The following C8orf34 variants were observed in gnomAD, a reference collection of about 807,000 sequenced individuals.
C8orf34 encodes the protein chromosome 8 open reading frame 34.
Under a neutral mutation model 68.3 loss-of-function variants are expected in C8orf34, and 65 were observed. The observed-to-expected ratio is 0.95, with a 90% CI of 0.78 to 1.17. The LOEUF (loss-of-function observed/expected upper bound fraction) is 1.17. Among genes scored for constraint, C8orf34 ranks in the 50% most tolerant of loss-of-function variants. The pLI, the probability that C8orf34 is intolerant of heterozygous loss-of-function variation, is 0.00. For missense variants in C8orf34, 664 were observed against 655.4 expected (o/e 1.01, Z -0.14); for synonymous variants, 244 against 241.2 (o/e 1.01, Z -0.11).
intron 7 of C8orf34, among the ~76,000 whole-genome samples, chr8:68,559,339 A>G (rs566406200): frequency 6.6e-6 from 1 of 152,302 alleles, no homozygotes; most frequent in East Asian, 1.9e-4. Flanking sequence ...CAGCTTTGGG[A>G]TAAGAAACGA....
At position 68,636,349 on chromosome 8, in the gene C8orf34, G is replaced by C. The variant is rs560648340; in HGVS notation, c.1106-4027G>C. On this transcript the variant is annotated intron_variant, in intron 7 of 13. Coordinates refer to ENST00000518698, the MANE Select transcript of C8orf34 (RefSeq NM_052958.4). ...CCAGAACTTTGTGAGGGCAAGGTGG[G>C]CAGATCACAAGGTCAGGAGATCGAG... Among the ~76,000 whole-genome samples the C allele has an allele frequency of 3.4e-4, 52 of 152,046 alleles. 1 individual carries two copies. The highest frequency in any genetic ancestry group is 1.3e-3 in the African/African-American group (52 of 41,456).
intron 11 of C8orf34, among the ~76,000 whole-genome samples, chr8:68,785,571 G>T (rs144115076): frequency 6.6e-6 from 1 of 152,162 alleles, no homozygotes; most frequent in East Asian, 1.9e-4. Context: ...AGTTAGTTAG[G>T]TTAGCACCTT....
chr8:68,539,253 A>G (rs1815610616), intron 7 of C8orf34, among the ~76,000 whole-genome samples: 1 of 152,064 alleles, frequency 6.6e-6, no homozygotes. Context: ...GTTTAGCCAT[A>G]GTAGTAATTT....
intron 7 of C8orf34, chr8:68,533,730 TGTA>T: frequency 1.1e-6 from 1 of 942,876 alleles, no homozygotes; most frequent in Non-Finnish European, 1.3e-6. Flanking sequence ...TATTTTTTAA[TGTA>T]GTATATGTAT....
At chr8:68,813,424 T>G (rs1824716038) in intron 12 of C8orf34, among the ~76,000 whole-genome samples, 2 of 152,238 alleles carry the variant, frequency 1.3e-5, no homozygotes, top group African/African-American at 4.8e-5. Flanking sequence ...CCCCACACTC[T>G]AATCAAAATA....
chr8:68,368,475 T>C (rs1391151585), intron 1 of C8orf34, among the ~76,000 whole-genome samples: 1 of 152,150 alleles, frequency 6.6e-6, no homozygotes, highest in Non-Finnish European at 1.5e-5. Context: ...TTTATTTATT[T>C]ATGTTCCAGT....
chr8:68,675,133 C>A (rs1164903820), intron 8 of C8orf34, among the ~76,000 whole-genome samples: 3 of 152,084 alleles, frequency 2.0e-5, no homozygotes, highest in African/African-American at 7.2e-5. Context: ...AACACCAGAC[C>A]TGTTCCACAA....
At position 68,600,918 on chromosome 8, in the gene C8orf34, C is replaced by T. The variant is rs146530928; in HGVS notation, c.1106-39458C>T. Among the ~76,000 whole-genome samples the T allele has an allele frequency of 3.6e-3, 554 of 152,288 alleles. 6 individuals are homozygous for T. Among genetic ancestry groups the T allele is most frequent in the African/African-American group, 0.013 (547 of 41,566 alleles). On this transcript the variant is annotated intron_variant, in intron 7 of 13. Transcript: ENST00000518698. ...ACCAACCTGTGAATTCTCCTCCTCG[C>T]ACACACACTTCCCAGCCTCTGGGTA...
chr8:68,702,388 G>A (rs1211714097), intron 8 of C8orf34, among the ~76,000 whole-genome samples: 1 of 152,096 alleles, frequency 6.6e-6, no homozygotes, highest in Non-Finnish European at 1.5e-5. Context: ...CCTTCTACAT[G>A]AAGTTTAGTT....
At chr8:68,593,606 A>C (rs1285467155) in intron 7 of C8orf34, among the ~76,000 whole-genome samples, 1 of 151,962 alleles carries the variant, frequency 6.6e-6, no homozygotes, top group Non-Finnish European at 1.5e-5. Flanking sequence ...TTGCTAATAA[A>C]TCCTCTGGTA....
At chr8:68,474,927 C>T (rs1242519062) in intron 4 of C8orf34, among the ~76,000 whole-genome samples, 1 of 152,206 alleles carries the variant, frequency 6.6e-6, no homozygotes, top group African/African-American at 2.4e-5. Context: ...TTCTGCCAAT[C>T]AGCCTTCACT....
At chr8:68,466,772 T>C (rs1812166730) in intron 3 of C8orf34, among the ~76,000 whole-genome samples, 1 of 145,134 alleles carries the variant, frequency 6.9e-6, no homozygotes, top group African/African-American at 2.6e-5. Context: ...TATAGATGCT[T>C]TCATTTCTTT....
At chr8:68,548,828 T>C (rs1815972574) in intron 7 of C8orf34, among the ~76,000 whole-genome samples, 1 of 151,806 alleles carries the variant, frequency 6.6e-6, no homozygotes, top group Admixed American at 6.6e-5. Context: ...AATAGAATAC[T>C]GTTTAACAAT....
At chr8:68,435,712 T>C (rs540395866) in intron 1 of C8orf34, among the ~76,000 whole-genome samples, 5 of 152,334 alleles carry the variant, frequency 3.3e-5, no homozygotes, top group South Asian at 4.1e-4. Context: ...TCAGATCATA[T>C]GGAGATTCTG....
chr8:68,430,904 G>C (rs966549918), intron 1 of C8orf34, among the ~76,000 whole-genome samples: 1 of 152,066 alleles, frequency 6.6e-6, no homozygotes, highest in Non-Finnish European at 1.5e-5. Context: ...AACAAAATAG[G>C]AAGACACATT....
intron 1 of C8orf34, among the ~76,000 whole-genome samples, chr8:68,332,450 T>G (rs1347467719): frequency 7.9e-6 from 1 of 126,584 alleles, no homozygotes; most frequent in Non-Finnish European, 1.7e-5. Flanking sequence ...GGGTGAGGGC[T>G]TGGTATGGGG....
intron 10 of C8orf34, among the ~76,000 whole-genome samples, chr8:68,755,184 G>C (rs529309091): frequency 2.0e-5 from 3 of 152,098 alleles, no homozygotes; most frequent in African/African-American, 7.2e-5. Context: ...GAAGACAACA[G>C]GGCCACTGCA....
At chr8:68,779,209 ACACACAC>A in intron 11 of C8orf34, among the ~76,000 whole-genome samples, 2 of 151,392 alleles carry the variant, frequency 1.3e-5, no homozygotes, top group African/African-American at 4.9e-5. Flanking sequence ...ACACACACAC[ACACACAC>A]ACACACACAC....
chr8:68,539,589 C>T (rs541722060), intron 7 of C8orf34, among the ~76,000 whole-genome samples: 36 of 152,214 alleles, frequency 2.4e-4, no homozygotes, highest in African/African-American at 7.9e-4. Context: ...CGGTGGCTCA[C>T]GCCTGTAATC....
Sources: gnomAD v4.1 joint callset for allele counts (sites outside exome capture counted in the v4.1 genomes callset) on GRCh38, gnomAD v4.1.1 for gene constraint, MANE v1.5 for transcripts, NCBI Gene and HGNC (gene_info 2026-07-23, HGNC 2026-07-21) for gene names.